SLC4A4: variants seen among roughly 807,000 people sequenced by gnomAD.
SLC4A4 encodes solute carrier family 4 member 4.
SLC4A4 carries 27 observed loss-of-function variants against 111.5 expected under a neutral mutation model. The observed-to-expected ratio is 0.24, with a 90% CI of 0.18 to 0.33. SLC4A4 has a LOEUF of 0.33. Among genes scored for constraint, SLC4A4 ranks in the 10% least tolerant of loss-of-function variants. The probability of loss-of-function intolerance (pLI) is 1.00; values close to 1 mark genes in which losing one functional copy is unlikely to be tolerated. For synonymous variants in SLC4A4, 443 were observed against 463.4 expected (o/e 0.96, Z 0.57); for missense variants, 909 against 1,315.5 (o/e 0.69, Z 4.78).
intron 3 of SLC4A4, among the ~76,000 whole-genome samples, chr4:71,297,085 T>C (rs1016013743): frequency 6.6e-5 from 10 of 152,206 alleles, no homozygotes; most frequent in Non-Finnish European, 4.4e-5. Flanking sequence ...CTAAGCTTAG[T>C]TGCACCCAGT....
At chr4:71,138,782 A>G (rs930669520) in intron 2 of SLC4A4, among the ~76,000 whole-genome samples, 3 of 152,034 alleles carry the variant, frequency 2.0e-5, no homozygotes, top group African/African-American at 7.2e-5. Flanking sequence ...CACGCCTGTA[A>G]TCCCAGCACT....
intron 2 of SLC4A4, among the ~76,000 whole-genome samples, chr4:71,153,670 GT>G (rs1212588977): frequency 3.3e-5 from 5 of 151,782 alleles, no homozygotes; most frequent in Non-Finnish European, 7.4e-5. Flanking sequence ...ATATGTCTTG[GT>G]TTTTTTTCTT....
intron 1 of SLC4A4, among the ~76,000 whole-genome samples, chr4:71,196,808 T>TG (rs1746022438): frequency 9.7e-6 from 1 of 103,012 alleles, no homozygotes; most frequent in Non-Finnish European, 1.8e-5. Context: ...TACTCCAGCC[T>TG]GGGTGACAGA....
chr4:71,487,132 A>C, intron 15 of SLC4A4, 114 bp downstream of exon 15: 1 of 649,436 alleles, frequency 1.5e-6, no homozygotes, highest in Non-Finnish European at 2.8e-6. Context: ...GCATGAACAC[A>C]TACGTAACAA....
chr4:71,098,983 A>G (rs974856713), intron 2 of SLC4A4, among the ~76,000 whole-genome samples: 11 of 152,246 alleles, frequency 7.2e-5, no homozygotes, highest in African/African-American at 2.2e-4. Context: ...CCTACAAAGA[A>G]ACTTAGACTC....
intron 2 of SLC4A4, among the ~76,000 whole-genome samples, chr4:71,166,656 GTGTCTTCCTT>G (rs1178929288): frequency 6.6e-6 from 1 of 152,164 alleles, no homozygotes; most frequent in Non-Finnish European, 1.5e-5. Flanking sequence ...GTTTTAAAAT[GTGTCTTCCTT>G]TGACTCTAGC....
intron 16 of SLC4A4, among the ~76,000 whole-genome samples, chr4:71,531,146 A>G (rs1055065924): frequency 6.6e-6 from 1 of 152,118 alleles, no homozygotes; most frequent in African/African-American, 2.4e-5. Flanking sequence ...GTGCTCTGGT[A>G]ATGCCCTTAG....
At chr4:71,376,084 TAC>T (rs1732327084) in intron 6 of SLC4A4, among the ~76,000 whole-genome samples, 1 of 149,418 alleles carries the variant, frequency 6.7e-6, no homozygotes, top group Non-Finnish European at 1.5e-5. Flanking sequence ...CGTATATATA[TAC>T]ATATATACGT....
intron 2 of SLC4A4, among the ~76,000 whole-genome samples, chr4:71,111,524 GTTTTTTTTTTTT>G (rs150777420): frequency 4.9e-5 from 3 of 60,820 alleles, no homozygotes; most frequent in South Asian, 2.0e-3. Context: ...CCACGCTCAG[GTTTTTTTTTTTT>G]TTTTTTTTTT....
chr4:71,309,278 G>A (rs1370814419), intron 3 of SLC4A4, among the ~76,000 whole-genome samples: 2 of 152,172 alleles, frequency 1.3e-5, no homozygotes, highest in African/African-American at 4.8e-5. Context: ...GTGGCTGTGG[G>A]TGCAGCTTCA....
intron 2 of SLC4A4, among the ~76,000 whole-genome samples, chr4:71,103,457 G>A (rs374834206): frequency 2.0e-5 from 3 of 152,114 alleles, no homozygotes; most frequent in East Asian, 1.9e-4. Flanking sequence ...CCCCAAATCA[G>A]CAGAATATAC....
At chr4:71,146,214 T>A (rs1221593221) in intron 2 of SLC4A4, among the ~76,000 whole-genome samples, 3 of 152,328 alleles carry the variant, frequency 2.0e-5, no homozygotes, top group East Asian at 3.9e-4. Flanking sequence ...TACCCAGTAG[T>A]CATTCAGGAG....
At chr4:71,183,775 T>C (rs1164441846), upstream of SLC4A4, among the ~76,000 whole-genome samples, 6 of 152,234 alleles carry the variant, frequency 3.9e-5, no homozygotes, top group East Asian at 1.2e-3. Context: ...CTATTCTGTG[T>C]AGCAACATGT....
chr4:71,437,024 C>T, intron 7 of SLC4A4: 1 of 368,108 alleles, frequency 2.7e-6, no homozygotes, highest in South Asian at 2.1e-5. Context: ...ACAGATAGGC[C>T]AATGGTCCAA....
intron 3 of SLC4A4, among the ~76,000 whole-genome samples, chr4:71,266,479 A>G (rs776587061): frequency 1.3e-5 from 2 of 152,058 alleles, no homozygotes; most frequent in African/African-American, 2.4e-5. Flanking sequence ...GTTTTTATTT[A>G]TTTTTGTCAC....
chr4:71,289,774 T>C (rs1319482044), intron 3 of SLC4A4, among the ~76,000 whole-genome samples: 4 of 152,182 alleles, frequency 2.6e-5, no homozygotes, highest in South Asian at 2.1e-4. Context: ...ACATTTGACA[T>C]GTTAGTGACA....
intron 16 of SLC4A4, among the ~76,000 whole-genome samples, chr4:71,511,214 T>C (rs1408367564): frequency 2.0e-5 from 3 of 152,162 alleles, no homozygotes; most frequent in African/African-American, 7.2e-5. Context: ...GTGAGTTTTA[T>C]ACTTTCAAAT....
chr4:71,434,065 A>C (rs995429958), intron 7 of SLC4A4, among the ~76,000 whole-genome samples: 6 of 152,080 alleles, frequency 3.9e-5, no homozygotes, highest in Admixed American at 1.3e-4. Flanking sequence ...ATGCCCATAC[A>C]CATGTATAAT....
chr4:71,465,359 T>G (rs961368027), intron 12 of SLC4A4, among the ~76,000 whole-genome samples: 6 of 151,872 alleles, frequency 4.0e-5, no homozygotes, highest in African/African-American at 1.4e-4. Flanking sequence ...TATAGCTTCA[T>G]GTATGAATAA....
Sources: allele counts gnomAD v4.1 joint callset (sites outside exome capture counted in the v4.1 genomes callset), GRCh38; gene constraint gnomAD v4.1.1; transcripts MANE v1.5; gene names NCBI Gene and HGNC (gene_info 2026-07-23, HGNC 2026-07-21).